The following AXDND1 variants were observed in gnomAD, a reference collection of about 807,000 sequenced individuals.
AXDND1 encodes the protein axonemal dynein light chain domain-containing protein 1.
Under a neutral mutation model 137.5 loss-of-function variants are expected in AXDND1, and 110 were observed. The ratio of observed to expected loss-of-function variants is 0.80; its 90% CI spans 0.69 to 0.94. The LOEUF is 0.94. AXDND1 is among the 40% of genes least tolerant of loss of function. The pLI, the probability that AXDND1 is intolerant of heterozygous loss-of-function variation, is 0.00. For synonymous variants in AXDND1, 414 were observed against 399.7 expected (o/e 1.04, Z -0.43); for missense variants, 1,191 against 1,169.8 (o/e 1.02, Z -0.26).
In AXDND1 at chr1:179,533,864, CAGG is replaced by C; in HGVS notation, c.2788_2790del (p.Glu930del). The C allele has an allele frequency of 6.2e-7, 1 of 1,612,506 alleles. No individual in the cohort carries two copies. Among genetic ancestry groups the C allele is most frequent in the South Asian group, 1.1e-5 (1 of 91,004 alleles). On this transcript the variant is annotated inframe_deletion, in exon 24 of 26. Transcript: ENST00000367618. ...AGCAATGGCTGTAATTGAACATATG[CAGG>C]AGAAGTTACTGTAAGTATGAGTCAA...
chr1:179,483,005 C>G, intron 17 of AXDND1, 123 bp from the exon 18 acceptor site: 3 of 572,652 alleles, frequency 5.2e-6, no homozygotes, highest in Non-Finnish European at 3.0e-6. Flanking sequence ...CCTCAGTTCT[C>G]AAGCAGTTGT....
chr1:179,421,325 C>G (rs9660445), intron 12 of AXDND1, among the ~76,000 whole-genome samples: 32,675 of 146,150 alleles, frequency 0.22, 3,727 homozygotes, highest in Non-Finnish European at 0.24. Context: ...TCTATGGTTT[C>G]CTTCCTTCCT....
chr1:179,478,722 T>A (rs966370015), intron 17 of AXDND1, among the ~76,000 whole-genome samples: 1 of 152,218 alleles, frequency 6.6e-6, no homozygotes, highest in African/African-American at 2.4e-5. Context: ...TGTCTTCAAT[T>A]TCTCTTAAAA....
intron 21 of AXDND1, among the ~76,000 whole-genome samples, chr1:179,515,962 A>G (rs1398112834): frequency 6.6e-6 from 1 of 152,174 alleles, no homozygotes; most frequent in Non-Finnish European, 1.5e-5. Flanking sequence ...AGTTGCCTAC[A>G]GTATTCAGTG....
chr1:179,523,325 C>T (rs1017742464), intron 21 of AXDND1, among the ~76,000 whole-genome samples: 2 of 150,928 alleles, frequency 1.3e-5, no homozygotes, highest in Non-Finnish European at 2.9e-5. Context: ...TTGTGTACAA[C>T]ATGATGTTTT....
chr1:179,497,845 A>C (rs1667600247), intron 20 of AXDND1, among the ~76,000 whole-genome samples: 1 of 152,184 alleles, frequency 6.6e-6, no homozygotes, highest in Non-Finnish European at 1.5e-5. Context: ...AAAAAGCAAT[A>C]GCATTTCTAT....
chr1:179,375,017 T>TA (rs1014226575), intron 4 of AXDND1, among the ~76,000 whole-genome samples: 52 of 151,814 alleles, frequency 3.4e-4, no homozygotes, highest in African/African-American at 1.2e-3. Context: ...TTTTAAAAAT[T>TA]AAAAAAATAC....
chr1:179,436,046 T>A (rs370490514), intron 15 of AXDND1, among the ~76,000 whole-genome samples: 2 of 152,104 alleles, frequency 1.3e-5, no homozygotes, highest in Admixed American at 6.5e-5. Flanking sequence ...GAACAGACAT[T>A]TCTCAAAAGA....
At chr1:179,472,061 A>AT (rs1229134847) in intron 17 of AXDND1, among the ~76,000 whole-genome samples, 1 of 151,742 alleles carries the variant, frequency 6.6e-6, no homozygotes, top group South Asian at 2.1e-4. Flanking sequence ...CGCCTGGCTA[A>AT]TTTTTTTGTA....
chr1:179,376,065 T>A (rs945465018), intron 4 of AXDND1, among the ~76,000 whole-genome samples: 6 of 152,212 alleles, frequency 3.9e-5, no homozygotes, highest in African/African-American at 1.4e-4. Context: ...ATATTGCAAC[T>A]GTTATAGTCA....
At chr1:179,549,664 A>G (rs6666456) in intron 25 of AXDND1, among the ~76,000 whole-genome samples, 69,102 of 151,892 alleles carry the variant, frequency 0.45, 17,743 homozygotes, top group South Asian at 0.56. Context: ...ACATGCCAAA[A>G]TTTGCTATCC....
intron 21 of AXDND1, among the ~76,000 whole-genome samples, chr1:179,513,943 A>G (rs1040637141): frequency 7.9e-5 from 12 of 151,076 alleles, no homozygotes; most frequent in Admixed American, 5.9e-4. Flanking sequence ...GGTTATTTGG[A>G]TTTTTTCTGT....
At chr1:179,402,219 A>G (rs2125177283) in intron 11 of AXDND1, among the ~76,000 whole-genome samples, 2 of 152,210 alleles carry the variant, frequency 1.3e-5, no homozygotes, top group Middle Eastern at 6.8e-3. Context: ...GCAGCATGAA[A>G]ATGGACTAAT....
Position 179,385,964 on chromosome 1 carries a change from T to G in AXDND1, c.863+605T>G, listed in dbSNP as rs1051337432. Among the ~76,000 whole-genome samples, 4 of 152,120 alleles carry G rather than the reference T, an allele frequency of 2.6e-5. No homozygotes were observed. The South Asian group carries it at 8.3e-4, about 32-fold the overall frequency. ...TTGCCCTACTCTCATTTGCATTGTT[T>G]CCAGTGAGAAATCTGCTGCCATCCT... On this transcript the variant is annotated intron_variant, in intron 9 of 25. Transcript: ENST00000367618.
chr1:179,499,430 G>T (rs1280216828), intron 20 of AXDND1, among the ~76,000 whole-genome samples: 1 of 152,030 alleles, frequency 6.6e-6, no homozygotes, highest in African/African-American at 2.4e-5. Flanking sequence ...CCCAGAATAG[G>T]CAAATCTATA....
chr1:179,432,954 G>A (rs1657605659), intron 15 of AXDND1, among the ~76,000 whole-genome samples: 1 of 152,018 alleles, frequency 6.6e-6, no homozygotes. Context: ...AAAAAAGCAA[G>A]TGCTCAGGGA....
chr1:179,397,820 A>ATT (rs74396784), intron 11 of AXDND1, among the ~76,000 whole-genome samples: 1 of 152,012 alleles, frequency 6.6e-6, no homozygotes, highest in East Asian at 1.9e-4. Context: ...ATTGTAGAAC[A>ATT]TTTTTTCAGC....
chr1:179,407,837 T>G (rs1029556559), intron 11 of AXDND1, among the ~76,000 whole-genome samples: 1 of 152,192 alleles, frequency 6.6e-6, no homozygotes, highest in Non-Finnish European at 1.5e-5. Flanking sequence ...TTAAATAGGT[T>G]TTCTGTGTCT....
chr1:179,429,133 C>T (rs778607265), intron 12 of AXDND1, among the ~76,000 whole-genome samples: 5 of 151,718 alleles, frequency 3.3e-5, no homozygotes, highest in East Asian at 3.9e-4. Context: ...GCCGAGATTG[C>T]GCCACTGCAC....
Sources: allele counts gnomAD v4.1 joint callset (sites outside exome capture counted in the v4.1 genomes callset), GRCh38; gene constraint gnomAD v4.1.1; transcripts MANE v1.5; gene names NCBI Gene and HGNC (gene_info 2026-07-23, HGNC 2026-07-21).